Variants in NOL4 observed in about 807,000 individuals in gnomAD.
NOL4 encodes the protein cancer/testis antigen 125.
In NOL4, 17 loss-of-function variants were observed where a neutral mutation model predicts 75.9. That is an observed-to-expected ratio of 0.22 (90% CI 0.15 to 0.34). The LOEUF is 0.34. Ranked by LOEUF, NOL4 falls within the 10% of genes least tolerant of loss-of-function variation. NOL4 has a pLI of 1.00. For missense variants in NOL4, 614 were observed against 793.5 expected (o/e 0.77, Z 2.72); for synonymous variants, 292 against 289.9 (o/e 1.01, Z -0.07).
At chr18:34,209,669 TGAA>T (rs759628692) in intron 1 of NOL4, among the ~76,000 whole-genome samples, 26 of 152,114 alleles carry the variant, frequency 1.7e-4, no homozygotes, top group Non-Finnish European at 2.8e-4. Flanking sequence ...CACAAGAAAT[TGAA>T]GTAGTATAAA....
In NOL4 at chr18:34,019,558, C is replaced by T. The variant is rs1254022595; in HGVS notation, c.816G>A (p.Gly272=). The stretch of plus-strand genomic sequence containing the variant: ...TTCCCCCTGAAGCAATTGAACTGTG[C>T]CCCAGAGTCTCATTGCCATTAAAGC... The part of the protein sequence containing the change: ...AESFNGNETL[G]HSSIASGGTH... The change falls in exon 6 of 11, where the codon GGG becomes GGA. Residue 272 remains glycine, a synonymous_variant. Coordinates refer to ENST00000261592, the MANE Select transcript of NOL4 (RefSeq NM_003787.5). The T allele has an allele frequency of 9.3e-6, 15 of 1,613,860 alleles. No individual in the cohort carries two copies. Among genetic ancestry groups the T allele is most frequent in the Non-Finnish European group, 1.3e-5 (15 of 1,179,942 alleles).
At chr18:34,067,953 C>T (rs2077351408) in intron 5 of NOL4, among the ~76,000 whole-genome samples, 1 of 151,558 alleles carries the variant, frequency 6.6e-6, no homozygotes, top group Non-Finnish European at 1.5e-5. Context: ...ACAATATCAT[C>T]AAGAGAGTGA....
chr18:34,155,480 AGGTGAT>A (rs1187789926), intron 1 of NOL4, among the ~76,000 whole-genome samples: 1 of 152,052 alleles, frequency 6.6e-6, no homozygotes, highest in Non-Finnish European at 1.5e-5. Context: ...ATGCACTGTT[AGGTGAT>A]TTCCTTATCA....
rs150459026 is a variant in NOL4, at chr18:34,074,282, T to G, written c.772+19183A>C. On this transcript the variant is annotated intron_variant, in intron 5 of 10. Coordinates refer to ENST00000261592, the MANE Select transcript of NOL4 (RefSeq NM_003787.5). ...TTATATGCATTATTTCATTAAAACTTAAATTAACAATGATATAAGCTCATT... is the reference window on the plus strand; with the variant it reads ...TTATATGCATTATTTCATTAAAACTGAAATTAACAATGATATAAGCTCATT... 7.6e-3 allele frequency among the ~76,000 whole-genome samples: 1,159 copies of G among 151,692 alleles called. 10 individuals are homozygous for G. The highest frequency in any genetic ancestry group is 0.013 in the Admixed American group (192 of 15,252).
At chr18:34,159,007 G>A (rs1486225840) in intron 1 of NOL4, among the ~76,000 whole-genome samples, 1 of 152,198 alleles carries the variant, frequency 6.6e-6, no homozygotes, top group Admixed American at 6.5e-5. Context: ...GGAGACAAGC[G>A]GTGGCAGCTG....
chr18:33,896,409 C>A (rs1330922108), intron 9 of NOL4, among the ~76,000 whole-genome samples: 1 of 152,116 alleles, frequency 6.6e-6, no homozygotes, highest in Non-Finnish European at 1.5e-5. Flanking sequence ...GTAACCAAAT[C>A]ATGATACAGG....
chr18:34,144,561 G>C (rs1172275007), intron 1 of NOL4, among the ~76,000 whole-genome samples: 1 of 152,104 alleles, frequency 6.6e-6, no homozygotes, highest in East Asian at 1.9e-4. Context: ...GTGATAGCAA[G>C]TCTGTGCTCA....
At chr18:34,114,448 C>T (rs1364794983) in intron 2 of NOL4, among the ~76,000 whole-genome samples, 3 of 152,096 alleles carry the variant, frequency 2.0e-5, no homozygotes, top group Non-Finnish European at 4.4e-5. Context: ...AAATATATTG[C>T]TCACAACAGA....
chr18:34,028,341 C>G (rs1165048052), intron 5 of NOL4, among the ~76,000 whole-genome samples: 1 of 152,244 alleles, frequency 6.6e-6, no homozygotes, highest in Non-Finnish European at 1.5e-5. Context: ...GCTGATGGCA[C>G]ATTTCCAGGA....
chr18:33,892,270 A>G (rs182175451), intron 9 of NOL4, among the ~76,000 whole-genome samples: 336 of 152,038 alleles, frequency 2.2e-3, no homozygotes, highest in Middle Eastern at 6.8e-3. Context: ...CTCTACAAAA[A>G]AATTTAAAAA....
intron 1 of NOL4, among the ~76,000 whole-genome samples, chr18:34,184,362 T>C (rs562100537): frequency 3.9e-5 from 6 of 152,108 alleles, no homozygotes; most frequent in South Asian, 2.1e-4. Flanking sequence ...CATGAATCAA[T>C]TTCAAATTTA....
intron 5 of NOL4, among the ~76,000 whole-genome samples, chr18:34,046,229 A>C (rs541449909): frequency 6.6e-6 from 1 of 152,222 alleles, no homozygotes; most frequent in Non-Finnish European, 1.5e-5. Flanking sequence ...ATGCCATTCC[A>C]AACTCTGAGA....
intron 6 of NOL4, among the ~76,000 whole-genome samples, chr18:33,983,517 T>C (rs2072160008): frequency 6.6e-6 from 1 of 151,946 alleles, no homozygotes; most frequent in East Asian, 1.9e-4. Context: ...CACATATATA[T>C]GTATACACAT....
chr18:34,023,096 C>G (rs1029517342), intron 5 of NOL4, among the ~76,000 whole-genome samples: 10 of 152,102 alleles, frequency 6.6e-5, no homozygotes, highest in Non-Finnish European at 1.3e-4. Flanking sequence ...AAAACAAATA[C>G]ATGATTTACT....
At chr18:34,152,271 T>C (rs746020699) in intron 1 of NOL4, among the ~76,000 whole-genome samples, 5 of 151,818 alleles carry the variant, frequency 3.3e-5, no homozygotes, top group Non-Finnish European at 4.4e-5. Context: ...ATGTGAGCAA[T>C]GGGCCACAAG....
intron 1 of NOL4, among the ~76,000 whole-genome samples, chr18:34,145,879 CAAGAA>C (rs2081374600): frequency 2.6e-5 from 4 of 151,948 alleles, no homozygotes; most frequent in African/African-American, 9.7e-5. Context: ...ATGATTTACC[CAAGAA>C]AACAACACTG....
chr18:33,922,577 T>A (rs2067103865), intron 9 of NOL4, among the ~76,000 whole-genome samples: 1 of 152,296 alleles, frequency 6.6e-6, no homozygotes, highest in East Asian at 1.9e-4. Context: ...GTCAGTTGCA[T>A]CTCAATGGCC....
intron 5 of NOL4, among the ~76,000 whole-genome samples, chr18:34,071,438 GACACACACACAC>G (rs61428886): frequency 1.4e-5 from 2 of 147,694 alleles, no homozygotes; most frequent in Admixed American, 6.8e-5. Context: ...CAGACAGACA[GACACACACACAC>G]ACACACACAC....
chr18:34,118,073 A>T (rs1221018611), intron 2 of NOL4, among the ~76,000 whole-genome samples: 1 of 152,226 alleles, frequency 6.6e-6, no homozygotes, highest in African/African-American at 2.4e-5. Context: ...TCCTTTTCAG[A>T]TACTGAACTT....
Sources: gnomAD v4.1 joint callset for allele counts (sites outside exome capture counted in the v4.1 genomes callset) on GRCh38, gnomAD v4.1.1 for gene constraint, MANE v1.5 for transcripts, NCBI Gene and HGNC (gene_info 2026-07-23, HGNC 2026-07-21) for gene names.